ACBD4: variants seen among roughly 807,000 people sequenced by gnomAD.
ACBD4 encodes the protein acyl-CoA binding domain containing 4.
In ACBD4, 41 loss-of-function variants were observed where a neutral mutation model predicts 46.0. That is an observed-to-expected ratio of 0.89 (90% CI 0.69 to 1.16). The LOEUF (loss-of-function observed/expected upper bound fraction) is 1.16. Ranked by LOEUF, ACBD4 falls within the 50% of genes most tolerant of loss-of-function variation. The pLI, the probability that ACBD4 is intolerant of heterozygous loss-of-function variation, is 0.00. For synonymous variants in ACBD4, 162 were observed against 155.9 expected (o/e 1.04, Z -0.29); for missense variants, 393 against 399.5 (o/e 0.98, Z 0.14).
At chr17:45,133,533 T>TTC (rs2054587259), upstream of ACBD4, among the ~76,000 whole-genome samples, 1 of 126,656 alleles carries the variant, frequency 7.9e-6, no homozygotes, top group Non-Finnish European at 1.7e-5. Flanking sequence ...TTTTTTTTTT[T>TTC]TTTTTTTTTT....
Position 45,139,078 on chromosome 17 carries a change from C to A in ACBD4, c.707C>A (p.Thr236Lys), listed in dbSNP as rs774955396. Residue 236 changes from threonine to lysine, a missense_variant, in exon 9 of 10, where the codon ACA (threonine) becomes AAA (lysine). Transcript: ENST00000321854. ...PQELDVWLLG[T>K]VRALQESMQE... ...GAGTTGGACGTGTGGCTGCTGGGGACAGTTCGAGCACTACAGGAGAGCATG... is the reference window on the plus strand; with the variant it reads ...GAGTTGGACGTGTGGCTGCTGGGGAAAGTTCGAGCACTACAGGAGAGCATG... 6.2e-7 allele frequency: 1 copy of A among 1,613,798 alleles called. No homozygotes were observed. The highest frequency in any genetic ancestry group is 8.5e-7 in the Non-Finnish European group (1 of 1,180,014).
Position 45,137,111 on chromosome 17 carries a change from C to T in ACBD4, c.387C>T (p.Pro129=). 1.2e-6 allele frequency: 2 copies of T among 1,614,086 alleles called. No homozygotes were observed. The highest frequency in any genetic ancestry group is 2.2e-5 in the East Asian group (1 of 44,884). Residue 129 remains proline (P), a synonymous_variant, in exon 5 of 10, where the codon CCC becomes CCT. Coordinates refer to ENST00000321854, the MANE Select transcript of ACBD4 (RefSeq NM_001135705.3). ...LYQVIPDMPR[P]PETFLRRVTG... ...AGGTGATCCCTGACATGCCGAGGCC[C>T]CCAGAGACCTTCCTGAGAAGGGTCA... is the stretch of plus-strand genomic sequence containing the variant.
Position 45,143,463 on chromosome 17 carries a change from TGCTCGGCCATGGCCC to T in ACBD4, c.811_825del (p.Ala271_Pro275del), listed in dbSNP as rs1472205636. On this transcript the variant is annotated inframe_deletion, in exon 10 of 10. Transcript: ENST00000321854. ...TGCAGAGGCCGCAGCCCAGGCCCAG[TGCTCGGCCATGGCCC>T]CTTGGGCTCCCGGGGCCCGCGCTGC... 6 of 1,611,692 alleles carry T rather than the reference TGCTCGGCCATGGCCC, an allele frequency of 3.7e-6. No individual in the cohort carries two copies. In the African/African-American group the frequency reaches 8.0e-5, roughly 22 times the overall value.
rs927216416 is a variant in ACBD4 at position 45,139,174 on chromosome 17, C to A, written c.789+14C>A. ...CCCCCTGAGCAGGTAGAGTCCCCCACCCCATAGGACAAGATGATGGCAGAA... is the reference window on the plus strand; with the variant it reads ...CCCCCTGAGCAGGTAGAGTCCCCCAACCCATAGGACAAGATGATGGCAGAA... On this transcript the variant is annotated intron_variant, in intron 9 of 9. Coordinates refer to ENST00000321854, the MANE Select transcript of ACBD4 (RefSeq NM_001135705.3). The A allele has an allele frequency of 1.9e-6, 3 of 1,612,492 alleles. No individual in the cohort carries two copies. The highest frequency in any genetic ancestry group is 2.5e-6 in the Non-Finnish European group (3 of 1,179,416).
In ACBD4 at chr17:45,136,726, G is replaced by A. The variant is rs773910896; in HGVS notation, c.244G>A (p.Glu82Lys). 6.2e-6 allele frequency: 10 copies of A among 1,613,880 alleles called. No individual in the cohort carries two copies. The African/African-American group carries it at 1.1e-4, about 17-fold the overall frequency. ...AWNSLGKMSR[E>K]EAMSAYITEM... is the part of the protein sequence containing the mutation. ...GAACAGTCTGGGCAAGATGAGCAGGGAGGAGGCCATGTCTGCCTACATCAC... is the reference window on the plus strand; with the variant it reads ...GAACAGTCTGGGCAAGATGAGCAGGAAGGAGGCCATGTCTGCCTACATCAC... Residue 82 changes from glutamate (E) to lysine (K), a missense_variant, in exon 4 of 10, where the codon GAG (glutamate) becomes AAG (lysine). By Grantham distance (56) the Glu-to-Lys change is moderately conservative. Around this residue, in one of 3 missense-constraint regions of ACBD4, gnomAD observed 308 missense variants for 301.8 expected, o/e 1.02. Transcript: ENST00000321854.
intron 9 of ACBD4, among the ~76,000 whole-genome samples, chr17:45,141,222 T>A (rs1319773641): frequency 6.6e-6 from 1 of 152,186 alleles, no homozygotes; most frequent in East Asian, 1.9e-4. Flanking sequence ...CCCTTTCAAT[T>A]CTCTTTTAAT....
rs1309479266 is a variant in ACBD4, at chr17:45,136,686, C to A, written c.210-6C>A. ...AAGCAGCCCTCTCACAGCCCTCTGC[C>A]CCCAGGGACGCCTGGAACAGTCTGG... On this transcript the variant is annotated splice_polypyrimidine_tract_variant and splice_region_variant and intron_variant, in intron 3 of 9. Transcript: ENST00000321854. 6.2e-7 allele frequency: 1 copy of A among 1,614,016 alleles called. No homozygotes were observed. The highest frequency in any genetic ancestry group is 2.2e-5 in the East Asian group (1 of 44,900).
In ACBD4 at chr17:45,143,844, G is replaced by A. The variant is rs1484403821; in HGVS notation, c.*273G>A. ...CCGGTGCTGGGTTGGCCGTGACTCG[G>A]GGGCGGGGCGATCGGGTCTCAGCCC... On this transcript the variant is annotated 3_prime_UTR_variant, in exon 10 of 10. Coordinates refer to ENST00000321854, the MANE Select transcript of ACBD4 (RefSeq NM_001135705.3). 1.9e-6 allele frequency: 1 copy of A among 520,786 alleles called. No homozygotes were observed. Among genetic ancestry groups the A allele is most frequent in the East Asian group, 3.4e-5 (1 of 29,616 alleles). The allele number at this position is 520,786 out of a possible 1,614,324, so 32.3% of individuals were successfully genotyped here.
intron 2 of ACBD4, 114 bp from the exon 3 acceptor site, chr17:45,136,386 G>A: frequency 6.9e-7 from 1 of 1,456,940 alleles, no homozygotes; most frequent in Admixed American, 1.8e-5. Flanking sequence ...TAGTCCAGAT[G>A]CCCTGGGTGG....
Position 45,143,644 on chromosome 17 carries a change from G to A in ACBD4, c.*73G>A. 6.2e-7 allele frequency: 1 copy of A among 1,610,312 alleles called. No individual in the cohort carries two copies. Among genetic ancestry groups the A allele is most frequent in the Non-Finnish European group, 8.5e-7 (1 of 1,177,704 alleles). On this transcript the variant is annotated 3_prime_UTR_variant, in exon 10 of 10. Coordinates refer to ENST00000321854, the MANE Select transcript of ACBD4 (RefSeq NM_001135705.3). Reference sequence around the variant, plus strand: ...CCCTGAGCCTTCCTAGGGTTTAGAAGAACAGCATTCAAAATTCCCCGTCCT... The same window carrying A: ...CCCTGAGCCTTCCTAGGGTTTAGAAAAACAGCATTCAAAATTCCCCGTCCT...
Position 45,143,470 on chromosome 17 carries a change from C to G in ACBD4, c.817C>G (p.Pro273Ala), listed in dbSNP as rs1467519451. 7 of 1,612,456 alleles carry G rather than the reference C, an allele frequency of 4.3e-6. No homozygotes were observed. Among genetic ancestry groups the G allele is most frequent in the Non-Finnish European group, 5.9e-6 (7 of 1,179,846 alleles). ...QRPQPRPSAR[P>A]WPLGLPGPAL... ...GCCGCAGCCCAGGCCCAGTGCTCGG[C>G]CATGGCCCCTTGGGCTCCCGGGGCC... Residue 273 changes from proline (P) to alanine (A), a missense_variant, in exon 10 of 10, where the codon CCA (proline) becomes GCA (alanine). This residue lies in a region of ACBD4 where 308 missense variants were observed against 301.8 expected (regional missense o/e 1.02). Coordinates refer to ENST00000321854, the MANE Select transcript of ACBD4 (RefSeq NM_001135705.3).
At position 45,143,596 on chromosome 17, in the gene ACBD4, C is replaced by G; in HGVS notation, c.*25C>G. On this transcript the variant is annotated 3_prime_UTR_variant, in exon 10 of 10. Transcript: ENST00000321854. Reference sequence around the variant, plus strand: ...ACTGTCAGTGGAGGGGTCTCTGCAGCCAACTGAGACTATCTTGCTGTGCCC... The same window carrying G: ...ACTGTCAGTGGAGGGGTCTCTGCAGGCAACTGAGACTATCTTGCTGTGCCC... The G allele has an allele frequency of 6.2e-7, 1 of 1,614,024 alleles. No homozygotes were observed. The highest frequency in any genetic ancestry group is 1.1e-5 in the South Asian group (1 of 91,084).
upstream of ACBD4, chr17:45,135,290 T>G (rs2054745080): frequency 1.3e-5 from 2 of 152,164 alleles, no homozygotes; most frequent in Non-Finnish European, 2.9e-5. Flanking sequence ...AGCTGTGATG[T>G]CCTTCCTCTA....
At chr17:45,138,077 G>A in intron 8 of ACBD4, 89 bp downstream of exon 8, 2 of 1,334,736 alleles carry the variant, frequency 1.5e-6, no homozygotes, top group Non-Finnish European at 2.1e-6. Context: ...TCCTAGGGCA[G>A]AGTTGAAAGT....
upstream of ACBD4, chr17:45,133,394 G>A (rs1019050436): frequency 6.6e-6 from 1 of 152,184 alleles, no homozygotes; most frequent in Non-Finnish European, 1.5e-5. Context: ...ATCCTACAGA[G>A]AGGCTAGTGC....
At chr17:45,135,604 G>C (rs1348360727), upstream of ACBD4, 1 of 154,524 alleles carries the variant, frequency 6.5e-6, no homozygotes, top group Non-Finnish European at 1.4e-5. Context: ...TAGGTAAGCC[G>C]AATGTGAAAC....
intron 9 of ACBD4, among the ~76,000 whole-genome samples, chr17:45,142,124 G>A (rs1238866195): frequency 2.0e-5 from 3 of 151,926 alleles, no homozygotes; most frequent in Non-Finnish European, 2.9e-5. Context: ...TGGGTACGGT[G>A]GCTCACGCCT....
Position 45,138,006 on chromosome 17 carries a change from C to T in ACBD4, c.649+18C>T. 6.2e-7 allele frequency: 1 copy of T among 1,607,644 alleles called. No individual in the cohort carries two copies. Among genetic ancestry groups the T allele is most frequent in the Non-Finnish European group, 8.5e-7 (1 of 1,176,914 alleles). On this transcript the variant is annotated intron_variant, in intron 8 of 9. Transcript: ENST00000321854. Reference sequence around the variant, plus strand: ...AAAGAAAGGTGAGCTCCTACCCAACCTCTCACCCACTTCTGCCCTTTCCCG... The same window carrying T: ...AAAGAAAGGTGAGCTCCTACCCAACTTCTCACCCACTTCTGCCCTTTCCCG...
rs138173519 is a variant in ACBD4 at position 45,135,866 on chromosome 17, C to G, written c.-125C>G. The stretch of plus-strand genomic sequence containing the variant: ...GTTGGAGATGTGCACCTAAAGGAGG[C>G]GCATCTGGGGACGGACACATCTGGC... On this transcript the variant is annotated 5_prime_UTR_variant, in exon 1 of 10. Coordinates refer to ENST00000321854, the MANE Select transcript of ACBD4 (RefSeq NM_001135705.3). The G allele has an allele frequency of 1.7e-4, 72 of 413,386 alleles. No individual in the cohort carries two copies. The East Asian group carries it at 3.3e-3, about 19-fold the overall frequency. The allele number at this position is 413,386 out of a possible 1,614,324, so 25.6% of individuals were successfully genotyped here.
Sources: allele counts gnomAD v4.1 joint callset (sites outside exome capture counted in the v4.1 genomes callset), GRCh38; gene constraint gnomAD v4.1.1; regional missense constraint gnomAD v4.1.1; transcripts MANE v1.5; gene names NCBI Gene and HGNC (gene_info 2026-07-23, HGNC 2026-07-21).